Variants in PRH1 observed in about 807,000 individuals in gnomAD.
PRH1 encodes the protein salivary acidic proline-rich phosphoprotein 1/2.
A neutral mutation model predicts 7.9 loss-of-function variants in PRH1; 7 were observed. That is an observed-to-expected ratio of 0.89 (90% CI 0.50 to 1.67). The LOEUF is 1.67. Among genes scored for constraint, PRH1 ranks in the 40% most tolerant of loss-of-function variants. The pLI is 0.00. For missense variants in PRH1, 109 were observed against 223.6 expected (o/e 0.49, Z 3.27); for synonymous variants, 45 against 80.8 (o/e 0.56, Z 2.38).
At chr12:11,106,915 A>T (rs1945439269) in intron 1 of PRH1, among the ~76,000 whole-genome samples, 2 of 152,206 alleles carry the variant, frequency 1.3e-5, no homozygotes, top group Admixed American at 6.5e-5. Context: ...TTTCAATTTT[A>T]TCTGTCTAGT....
intron 1 of PRH1, among the ~76,000 whole-genome samples, chr12:11,102,323 T>G (rs985781379): frequency 8.5e-5 from 13 of 152,180 alleles, no homozygotes; most frequent in African/African-American, 2.4e-4. Context: ...CAAAACAGCA[T>G]GGTGCTGGTA....
At chr12:11,096,114 T>C (rs1461744965) in intron 1 of PRH1, among the ~76,000 whole-genome samples, 1 of 115,802 alleles carries the variant, frequency 8.6e-6, no homozygotes, top group East Asian at 2.1e-4. Context: ...TGAACTGATA[T>C]ACTTTATCAC....
intron 1 of PRH1, among the ~76,000 whole-genome samples, chr12:11,088,156 C>T (rs1477017978): frequency 1.5e-5 from 2 of 129,626 alleles, no homozygotes; most frequent in Non-Finnish European, 3.5e-5. Context: ...GCCTGGGTAA[C>T]ACGGTGAAAT....
intron 1 of PRH1, among the ~76,000 whole-genome samples, chr12:11,064,063 C>A (rs918366010): frequency 1.3e-5 from 2 of 151,998 alleles, no homozygotes; most frequent in South Asian, 4.1e-4. Flanking sequence ...ATGATGCAGG[C>A]AAGACAAGGA....
rs1348316712 is a variant in PRH1 at position 11,080,819 on chromosome 12, C to T, written n.124-33631G>A. Among the ~76,000 whole-genome samples, 3 of 113,122 alleles carry T rather than the reference C, an allele frequency of 2.7e-5. 1 individual carries two copies. The highest frequency in any genetic ancestry group is 8.8e-5 in the African/African-American group (3 of 34,116). 74.2% of individuals were successfully genotyped at this position (113,122 alleles called of 152,430 possible). ...AGGTCTACTACTCTTTGGAAACACA[C>T]TGAAGACATGATTCCCATGATTCCA... On this transcript the variant is annotated intron_variant and non_coding_transcript_variant, in intron 1 of 4. Transcript: ENST00000541977.
chr12:10,980,237 C>A (rs558391060), intron 1 of PRH1, among the ~76,000 whole-genome samples: 1 of 151,994 alleles, frequency 6.6e-6, no homozygotes, highest in African/African-American at 2.4e-5. Flanking sequence ...ATGATTACTG[C>A]GATACTGAGA....
chr12:11,015,525 A>G (rs758700436), intron 1 of PRH1, among the ~76,000 whole-genome samples: 2 of 152,112 alleles, frequency 1.3e-5, no homozygotes, highest in African/African-American at 2.4e-5. Context: ...GCAGACTCGT[A>G]CCAAATTGCC....
chr12:11,062,952 C>A (rs1050483049), intron 1 of PRH1, among the ~76,000 whole-genome samples: 2 of 152,100 alleles, frequency 1.3e-5, no homozygotes, highest in African/African-American at 4.8e-5. Context: ...CAAACACACA[C>A]ATGTGCACAC....
At chr12:10,924,064 G>T (rs1056187187) in intron 2 of PRH1, among the ~76,000 whole-genome samples, 10 of 121,912 alleles carry the variant, frequency 8.2e-5, no homozygotes, top group African/African-American at 2.4e-4. Flanking sequence ...CTCAGCTCAC[G>T]GCAAGCTCCG....
At chr12:11,105,874 A>G (rs965069865) in intron 1 of PRH1, among the ~76,000 whole-genome samples, 10 of 152,106 alleles carry the variant, frequency 6.6e-5, no homozygotes, top group Non-Finnish European at 1.5e-4. Flanking sequence ...TTTCTTGGGA[A>G]TCTCAGAAAG....
intron 1 of PRH1, among the ~76,000 whole-genome samples, chr12:11,138,745 A>C (rs1278327378): frequency 1.3e-5 from 2 of 152,180 alleles, no homozygotes; most frequent in Non-Finnish European, 2.9e-5. Context: ...AATTAATTTA[A>C]GAAAACTTTT....
At chr12:10,960,021 G>A (rs1371427829) in intron 2 of PRH1, among the ~76,000 whole-genome samples, 1 of 152,188 alleles carries the variant, frequency 6.6e-6, no homozygotes, top group Non-Finnish European at 1.5e-5. Context: ...CATGCAACAT[G>A]AAGACTAACC....
upstream of PRH1, among the ~76,000 whole-genome samples, chr12:10,885,249 C>T (rs557773658): frequency 3.9e-5 from 6 of 152,314 alleles, no homozygotes; most frequent in South Asian, 1.0e-3. Context: ...AATTATGTCA[C>T]CTGTTTCATC....
Position 11,079,899 on chromosome 12 carries a change from A to T in PRH1, n.124-32711T>A, listed in dbSNP as rs1271050569. ...AATGAGCAGAGTAATAATAATTTTC[A>T]TGGAATCTTTCTCCTGATTAATAAT... On this transcript the variant is annotated intron_variant and non_coding_transcript_variant, in intron 1 of 4. Transcript: ENST00000541977. Among the ~76,000 whole-genome samples the T allele has an allele frequency of 5.9e-5, 7 of 118,678 alleles. 3 individuals carry two copies. Among genetic ancestry groups the T allele is most frequent in the Non-Finnish European group, 1.4e-4 (7 of 49,936 alleles). 77.9% of individuals were successfully genotyped at this position (118,678 alleles called of 152,430 possible).
rs576371283 is a variant in PRH1 at position 11,130,291 on chromosome 12, G to A, written n.40-9111C>T. Among the ~76,000 whole-genome samples the A allele has an allele frequency of 3.3e-5, 5 of 152,126 alleles. No individual in the cohort carries two copies. The South Asian group carries it at 8.4e-4, about 25-fold the overall frequency. ...ATAAATCAGAGAAGATTCAGGGACCGACAACATAGGTGATGTTTTAAGGTT... is the reference window on the plus strand; with the variant it reads ...ATAAATCAGAGAAGATTCAGGGACCAACAACATAGGTGATGTTTTAAGGTT... On this transcript the variant is annotated intron_variant and non_coding_transcript_variant, in intron 1 of 1. Coordinates refer to the PRH1 transcript ENST00000541175.
intron 1 of PRH1, among the ~76,000 whole-genome samples, chr12:11,121,393 T>G (rs191108288): frequency 6.6e-6 from 1 of 152,236 alleles, no homozygotes; most frequent in Non-Finnish European, 1.5e-5. Flanking sequence ...GAAGGAATAT[T>G]TGAATTTTTT....
chr12:10,901,026 T>G (rs146692118), intron 2 of PRH1, among the ~76,000 whole-genome samples: 1 of 152,304 alleles, frequency 6.6e-6, no homozygotes, highest in Non-Finnish European at 1.5e-5. Context: ...ACCCTTCCTG[T>G]GCAGAGATTT....
chr12:11,134,091 C>T (rs764262116), intron 1 of PRH1: 2 of 1,613,986 alleles, frequency 1.2e-6, no homozygotes, highest in Non-Finnish European at 1.7e-6. Context: ...CTGGAGACCG[C>T]CAGAGCAGTG....
intron 1 of PRH1, among the ~76,000 whole-genome samples, chr12:11,152,078 T>G (rs985942824): frequency 1.3e-5 from 2 of 151,964 alleles, no homozygotes; most frequent in African/African-American, 4.8e-5. Flanking sequence ...ATTTTCTTTC[T>G]TCTTTTTTTA....
Sources: allele counts gnomAD v4.1 joint callset (sites outside exome capture counted in the v4.1 genomes callset), GRCh38; gene constraint gnomAD v4.1.1; transcripts MANE v1.5; gene names NCBI Gene and HGNC (gene_info 2026-07-23, HGNC 2026-07-21).